FRMD5: variants seen among roughly 807,000 people sequenced by gnomAD.
FRMD5 encodes the protein FERM domain-containing protein 5.
A neutral mutation model predicts 69.0 loss-of-function variants in FRMD5; 20 were observed. The observed-to-expected ratio is 0.29, with a 90% CI of 0.20 to 0.42. The LOEUF (loss-of-function observed/expected upper bound fraction) is 0.42, where lower values mean the gene tolerates loss of function less well. FRMD5 is among the 10% of genes least tolerant of loss of function. The pLI is 1.00. For synonymous variants in FRMD5, 271 were observed against 260.1 expected (o/e 1.04, Z -0.40); for missense variants, 595 against 708.6 (o/e 0.84, Z 1.82).
intron 1 of FRMD5, among the ~76,000 whole-genome samples, chr15:44,156,292 C>T (rs1049674121): frequency 2.0e-5 from 3 of 151,986 alleles, no homozygotes; most frequent in Non-Finnish European, 4.4e-5. Flanking sequence ...TACAAGCAGG[C>T]GCCACCACGC....
intron 7 of FRMD5, among the ~76,000 whole-genome samples, chr15:43,896,131 T>C (rs999514787): frequency 9.9e-5 from 15 of 152,234 alleles, no homozygotes; most frequent in African/African-American, 3.6e-4. Context: ...GAAAACAAAC[T>C]AGGGTCCTGA....
chr15:44,105,310 C>G (rs2076701314), intron 1 of FRMD5, among the ~76,000 whole-genome samples: 1 of 152,060 alleles, frequency 6.6e-6, no homozygotes, highest in Non-Finnish European at 1.5e-5. Flanking sequence ...CTCATGGGCT[C>G]AAGTAATACA....
chr15:44,024,093 C>A (rs1051584405), intron 1 of FRMD5, among the ~76,000 whole-genome samples: 14 of 152,022 alleles, frequency 9.2e-5, no homozygotes, highest in African/African-American at 3.4e-4. Flanking sequence ...TTAAGTGTTA[C>A]AATGTACAGT....
At chr15:44,066,335 C>A (rs984970240) in intron 1 of FRMD5, among the ~76,000 whole-genome samples, 2 of 152,192 alleles carry the variant, frequency 1.3e-5, no homozygotes, top group African/African-American at 4.8e-5. Context: ...AATCTACTTT[C>A]AAAAGCTATA....
intron 1 of FRMD5, among the ~76,000 whole-genome samples, chr15:43,943,697 A>ATGGCAAGGAT (rs1401147017): frequency 1.3e-5 from 2 of 152,240 alleles, no homozygotes; most frequent in Non-Finnish European, 2.9e-5. Context: ...CAAGCAAGGA[A>ATGGCAAGGAT]TGGCAAGGAT....
intron 1 of FRMD5, among the ~76,000 whole-genome samples, chr15:44,023,348 T>C (rs1440310595): frequency 6.6e-6 from 1 of 152,164 alleles, no homozygotes; most frequent in Non-Finnish European, 1.5e-5. Context: ...TAAGCTATAA[T>C]GTTGAAATAA....
intron 1 of FRMD5, among the ~76,000 whole-genome samples, chr15:43,964,601 G>T (rs1158023211): frequency 6.6e-6 from 1 of 151,046 alleles, no homozygotes; most frequent in Non-Finnish European, 1.5e-5. Context: ...ATTAGATTTT[G>T]GCCTCTTTCA....
Position 43,892,006 on chromosome 15 carries a change from TTCC to T in FRMD5, c.700_702del (p.Gly234del). The T allele has an allele frequency of 6.2e-7, 1 of 1,614,164 alleles. No individual in the cohort carries two copies. Among genetic ancestry groups the T allele is most frequent in the Non-Finnish European group, 8.5e-7 (1 of 1,179,994 alleles). ...CATTTAATGAAGTGGACCCTCTTGTTTCCTTGAAGAACAACAAACCCAAAAGGA... is the reference window on the plus strand; with the variant it reads ...CATTTAATGAAGTGGACCCTCTTGTTTTGAAGAACAACAAACCCAAAAGGA... On this transcript the variant is annotated inframe_deletion, in exon 8 of 14. Transcript: ENST00000417257.
chr15:43,899,413 G>T (rs1244561510), intron 7 of FRMD5, among the ~76,000 whole-genome samples: 8 of 152,100 alleles, frequency 5.3e-5, no homozygotes, highest in Admixed American at 5.2e-4. Context: ...TCTCCTGGGG[G>T]GTTTCTGTTC....
At chr15:44,045,550 T>C (rs548396216) in intron 1 of FRMD5, among the ~76,000 whole-genome samples, 190 of 152,338 alleles carry the variant, frequency 1.2e-3, no homozygotes, top group African/African-American at 4.4e-3. Context: ...TACATACTTG[T>C]ATATGCACGT....
chr15:44,190,464 T>C (rs1202690563), intron 1 of FRMD5, among the ~76,000 whole-genome samples: 1 of 151,634 alleles, frequency 6.6e-6, no homozygotes, highest in African/African-American at 2.4e-5. Context: ...ATTCATTTGA[T>C]CTAAGCCCTC....
chr15:43,979,830 AAAT>A (rs1443942731), intron 1 of FRMD5, among the ~76,000 whole-genome samples: 15 of 152,334 alleles, frequency 9.8e-5, no homozygotes, highest in African/African-American at 3.6e-4. Context: ...CTGAATGGTT[AAAT>A]AATGAGATAA....
chr15:44,127,194 G>A (rs1008723347), intron 1 of FRMD5, among the ~76,000 whole-genome samples: 2 of 152,296 alleles, frequency 1.3e-5, no homozygotes, highest in South Asian at 2.1e-4. Flanking sequence ...GGAAGTTCAC[G>A]CAATTCTCAT....
intron 1 of FRMD5, among the ~76,000 whole-genome samples, chr15:44,099,399 A>G (rs945220086): frequency 6.6e-6 from 1 of 152,208 alleles, no homozygotes; most frequent in African/African-American, 2.4e-5. Flanking sequence ...TTCAACAGTA[A>G]GACAATCTAC....
intron 2 of FRMD5, among the ~76,000 whole-genome samples, chr15:43,923,411 C>T (rs942460770): frequency 6.6e-6 from 1 of 152,036 alleles, no homozygotes; most frequent in African/African-American, 2.4e-5. Context: ...GGGGAGATTT[C>T]CCAGAGGAAG....
At chr15:43,954,226 G>C (rs1042037258) in intron 1 of FRMD5, among the ~76,000 whole-genome samples, 12 of 152,222 alleles carry the variant, frequency 7.9e-5, no homozygotes, top group African/African-American at 4.8e-5. Context: ...TGCACAGACT[G>C]TGATTCAGGA....
At chr15:44,150,760 T>C (rs1020946062) in intron 1 of FRMD5, among the ~76,000 whole-genome samples, 7 of 152,018 alleles carry the variant, frequency 4.6e-5, no homozygotes, top group Non-Finnish European at 1.0e-4. Context: ...CACTGTACTT[T>C]AGCCTGGGCA....
chr15:44,121,826 C>T (rs1012147210), intron 1 of FRMD5, among the ~76,000 whole-genome samples: 3 of 151,642 alleles, frequency 2.0e-5, no homozygotes, highest in African/African-American at 7.3e-5. Context: ...GAAACCCTGT[C>T]TCTAACTAAA....
intron 1 of FRMD5, among the ~76,000 whole-genome samples, chr15:43,971,810 G>C (rs1418513699): frequency 6.7e-6 from 1 of 149,602 alleles, no homozygotes; most frequent in Non-Finnish European, 1.5e-5. Context: ...GGGTTCAAGC[G>C]ATTCTCCTGC....
Sources: gnomAD v4.1 joint callset for allele counts (sites outside exome capture counted in the v4.1 genomes callset) on GRCh38, gnomAD v4.1.1 for gene constraint, MANE v1.5 for transcripts, NCBI Gene and HGNC (gene_info 2026-07-23, HGNC 2026-07-21) for gene names.